Variants in RPL28 observed in about 807,000 individuals in gnomAD.
The protein encoded by RPL28 is large ribosomal subunit protein eL28.
RPL28 carries 4 observed loss-of-function variants against 12.5 expected under a neutral mutation model. That is an observed-to-expected ratio of 0.32 (90% CI 0.16 to 0.73). The LOEUF is 0.73. Among genes scored for constraint, RPL28 ranks in the 30% least tolerant of loss-of-function variants. The pLI is 0.66. For synonymous variants in RPL28, 91 were observed against 72.5 expected, an observed-to-expected ratio of 1.26 and a Z score of -1.30; for missense variants, 214 against 197.7, an observed-to-expected ratio of 1.08 and a Z score of -0.49.
chr19:55,401,718 G>C, intron 4 of RPL28: 2 of 1,613,468 alleles, frequency 1.2e-6, no homozygotes, highest in Non-Finnish European at 1.7e-6. Context: ...CCTCCTCGTT[G>C]AGTGCAGACT....
chr19:55,388,271 T>G lies in RPL28; in HGVS notation c.353T>G (p.Leu118Arg). 1 of 1,579,176 alleles carries G rather than the reference T, an allele frequency of 6.3e-7. No homozygotes were observed. Among genetic ancestry groups the G allele is most frequent in the Non-Finnish European group, 8.6e-7 (1 of 1,163,410 alleles). Reference protein sequence around the residue: ...MAAIRRASAILRSQKPVMVKR... With the variant: ...MAAIRRASAIRRSQKPVMVKR... Reference sequence around the variant, plus strand: ...GCCATCCGCAGGGCCAGCGCCATCCTGCGCAGCCAGAAGCCTGTGATGGTG... The same window carrying G: ...GCCATCCGCAGGGCCAGCGCCATCCGGCGCAGCCAGAAGCCTGTGATGGTG... The change falls in exon 5 of 5, where the codon CTG becomes CGG. Residue 118 changes from leucine to arginine, a missense_variant. Coordinates refer to ENST00000344063, the MANE Select transcript of RPL28 (RefSeq NM_000991.5).
At chr19:55,394,749 T>G (rs1278389621), downstream of RPL28, among the ~76,000 whole-genome samples, 2 of 151,920 alleles carry the variant, frequency 1.3e-5, no homozygotes, top group African/African-American at 4.8e-5. Flanking sequence ...TTTTTAAAAT[T>G]GTTTTGTAGA....
chr19:55,393,631 G>GTTTTTT (rs890657595), downstream of RPL28, among the ~76,000 whole-genome samples: 10 of 114,620 alleles, frequency 8.7e-5, no homozygotes, highest in African/African-American at 1.7e-4. Flanking sequence ...TCACCAATTT[G>GTTTTTT]TTTTTTTTTT....
rs371319043 is a variant in RPL28 at position 55,388,039 on chromosome 19, C to G, written c.315C>G (p.Asp105Glu). Residue 105 changes from aspartate (D) to glutamate (E), a missense_variant, in exon 4 of 5, where the codon GAC becomes GAG. Asp to Glu is a conservative substitution (Grantham distance 45). Coordinates refer to ENST00000344063, the MANE Select transcript of RPL28 (RefSeq NM_000991.5). ...HMIRKNKYRP[D>E]LRMAAIRRAS... ...TCCGCAAGAACAAGTACCGCCCCGA[C>G]CTGCGCATGGTGAGCTGGGGTTTGG... is the stretch of plus-strand genomic sequence containing the variant. 1.5e-5 allele frequency: 25 copies of G among 1,613,840 alleles called. No individual in the cohort carries two copies. The highest frequency in any genetic ancestry group is 1.5e-5 in the Non-Finnish European group (18 of 1,179,892).
In RPL28 at chr19:55,389,999, C is replaced by A; in HGVS notation, c.*1667C>A. Reference sequence around the variant, plus strand: ...TCACTGCTCACGTTAGTAGATGGCCCCTTCTCGTGAGGCCTCTCCCCTGGC... The same window carrying A: ...TCACTGCTCACGTTAGTAGATGGCCACTTCTCGTGAGGCCTCTCCCCTGGC... On this transcript the variant is annotated 3_prime_UTR_variant, in exon 5 of 5. Transcript: ENST00000344063. 1.0e-6 allele frequency: 1 copy of A among 985,492 alleles called. No individual in the cohort carries two copies. The highest frequency in any genetic ancestry group is 1.2e-6 in the Non-Finnish European group (1 of 829,956). 61.0% of individuals were successfully genotyped at this position (985,492 alleles called of 1,614,324 possible).
rs776113897 is a variant in RPL28, at chr19:55,386,865, A to C, written c.205+172A>C. 4 of 1,550,016 alleles carry C rather than the reference A, an allele frequency of 2.6e-6. No homozygotes were observed. The South Asian group carries it at 3.5e-5, about 14-fold the overall frequency. On this transcript the variant is annotated intron_variant, in intron 3 of 4. Transcript: ENST00000344063. Reference sequence around the variant, plus strand: ...TCTCGGCCGACTTGTCAGCTCTGTGAGCCGCGCGCGTCTGAGCCCGTGTCC... The same window carrying C: ...TCTCGGCCGACTTGTCAGCTCTGTGCGCCGCGCGCGTCTGAGCCCGTGTCC...
chr19:55,401,598 C>G, intron 4 of RPL28: 1 of 1,607,800 alleles, frequency 6.2e-7, no homozygotes. Context: ...TGGCCAGGGC[C>G]CGACCGGCTT....
chr19:55,390,284 AGCCTCC>A lies in RPL28; in HGVS notation c.*1953_*1958del. On this transcript the variant is annotated 3_prime_UTR_variant, in exon 5 of 5. Transcript: ENST00000344063. The stretch of plus-strand genomic sequence containing the variant: ...CAATGGCGCGATCTTGGCTCACTGC[AGCCTCC>A]ACCTCCTGGGTTCAAGCGATTCTCC... 1.1e-6 allele frequency: 1 copy of A among 873,908 alleles called. No homozygotes were observed. Among genetic ancestry groups the A allele is most frequent in the Non-Finnish European group, 1.4e-6 (1 of 728,526 alleles). The allele number at this position is 873,908 out of a possible 1,614,324, so 54.1% of individuals were successfully genotyped here. A position where few individuals can be genotyped will look rare whatever the true frequency, so the allele number is the denominator to read the frequency against.
chr19:55,387,441 G>T (rs757706456), intron 3 of RPL28: 1 of 1,516,472 alleles, frequency 6.6e-7, no homozygotes, highest in Non-Finnish European at 8.8e-7. Flanking sequence ...TGGGGACCCC[G>T]TTCTGGGGAG....
chr19:55,389,368 T>C lies in RPL28; in HGVS notation c.*1036T>C. 1 of 985,156 alleles carries C rather than the reference T, an allele frequency of 1.0e-6. No individual in the cohort carries two copies. The highest frequency in any genetic ancestry group is 1.2e-6 in the Non-Finnish European group (1 of 829,850). 61.0% of individuals were successfully genotyped at this position (985,156 alleles called of 1,614,324 possible). A position where few individuals can be genotyped will look rare whatever the true frequency, so the allele number is the denominator to read the frequency against. The stretch of plus-strand genomic sequence containing the variant: ...ACCATGACACACAGTGAGGCCTGGA[T>C]GGGGAAAGAGTCCTGCTGTTGATCC... On this transcript the variant is annotated 3_prime_UTR_variant, in exon 5 of 5. Coordinates refer to ENST00000344063, the MANE Select transcript of RPL28 (RefSeq NM_000991.5).
downstream of RPL28, among the ~76,000 whole-genome samples, chr19:55,395,447 T>C (rs1432011892): frequency 1.3e-4 from 19 of 150,252 alleles, no homozygotes; most frequent in African/African-American, 4.6e-4. Context: ...TTTTCTCTTT[T>C]TTTTTTTTTT....
Position 55,390,180 on chromosome 19 carries a change from AG to A in RPL28, c.*1849del, listed in dbSNP as rs982467086. 121 of 985,374 alleles carry A rather than the reference AG, an allele frequency of 1.2e-4. No homozygotes were observed. The African/African-American group carries it at 2.0e-3, about 17-fold the overall frequency. The allele number at this position is 985,374 out of a possible 1,614,324, so 61.0% of individuals were successfully genotyped here. A position where few individuals can be genotyped will look rare whatever the true frequency, so the allele number is the denominator to read the frequency against. On this transcript the variant is annotated 3_prime_UTR_variant, in exon 5 of 5. Coordinates refer to ENST00000344063, the MANE Select transcript of RPL28 (RefSeq NM_000991.5). ...TGAATGGTGCATATTGAATGTATAA[AG>A]CCCACCGGTCCTGAGAGTTTGCTCA...
At position 55,387,917 on chromosome 19, in the gene RPL28, G is replaced by C. The variant is rs768984397; in HGVS notation, c.206-13G>C. The stretch of plus-strand genomic sequence containing the variant: ...GGTGGACTGACCCCAGGACCTCCCT[G>C]ACCCCCAACCAGGCCAGCGGAAGCC... On this transcript the variant is annotated splice_polypyrimidine_tract_variant and intron_variant, in intron 3 of 4. Transcript: ENST00000344063. 2 of 1,552,648 alleles carry C rather than the reference G, an allele frequency of 1.3e-6. No individual in the cohort carries two copies. Among genetic ancestry groups the C allele is most frequent in the Non-Finnish European group, 1.7e-6 (2 of 1,147,808 alleles).
At chr19:55,387,203 G>T in intron 3 of RPL28, 3 of 1,420,944 alleles carry the variant, frequency 2.1e-6, no homozygotes, top group Non-Finnish European at 2.9e-6. Context: ...GGGATTCCCT[G>T]AATGTTCGTG....
In RPL28 at chr19:55,386,804, C is replaced by G. The variant is rs2089933906; in HGVS notation, c.205+111C>G. The G allele has an allele frequency of 1.1e-5, 18 of 1,605,288 alleles. No individual in the cohort carries two copies. The East Asian group carries it at 3.8e-4, about 34-fold the overall frequency. On this transcript the variant is annotated intron_variant, in intron 3 of 4. Transcript: ENST00000344063. ...GTAACTGCCATCGCGGCGGGCATCCCTGGCGCCAGGGTGTTGGTCTGGGTA... is the reference window on the plus strand; with the variant it reads ...GTAACTGCCATCGCGGCGGGCATCCGTGGCGCCAGGGTGTTGGTCTGGGTA...
chr19:55,387,247 T>A, intron 3 of RPL28: 1 of 1,538,994 alleles, frequency 6.5e-7, no homozygotes. Flanking sequence ...GAGTCCAGCT[T>A]CACATGTGTT....
chr19:55,398,258 C>A (rs1407099901), intron 4 of RPL28, among the ~76,000 whole-genome samples: 4 of 152,144 alleles, frequency 2.6e-5, no homozygotes, highest in Non-Finnish European at 5.9e-5. Flanking sequence ...GCTTGAGACG[C>A]AGGAAGGAGT....
downstream of RPL28, among the ~76,000 whole-genome samples, chr19:55,395,685 T>C (rs369671120): frequency 0.017 from 2,534 of 146,050 alleles, 26 homozygotes; most frequent in Middle Eastern, 0.034. Flanking sequence ...CCTTGTGATC[T>C]GCCCACCTTG....
chr19:55,388,026 A>C lies in RPL28; in HGVS notation c.302A>C (p.Lys101Thr). 2.5e-6 allele frequency: 4 copies of C among 1,613,760 alleles called. No individual in the cohort carries two copies. The highest frequency in any genetic ancestry group is 3.4e-6 in the Non-Finnish European group (4 of 1,179,880). Residue 101 changes from lysine to threonine, a missense_variant, in exon 4 of 5, where the codon AAG becomes ACG. By Grantham distance (78) the Lys-to-Thr change is moderately conservative. Transcript: ENST00000344063. Reference sequence around the variant, plus strand: ...ATCAGACACATGATCCGCAAGAACAAGTACCGCCCCGACCTGCGCATGGTG... The same window carrying C: ...ATCAGACACATGATCCGCAAGAACACGTACCGCCCCGACCTGCGCATGGTG... ...SSIRHMIRKN[K>T]YRPDLRMAAI...
Sources: gnomAD v4.1 joint callset for allele counts (sites outside exome capture counted in the v4.1 genomes callset) on GRCh38, gnomAD v4.1.1 for gene constraint, MANE v1.5 for transcripts, NCBI Gene and HGNC (gene_info 2026-07-23, HGNC 2026-07-21) for gene names.